USP7: variants seen among roughly 807,000 people sequenced by gnomAD.
The protein encoded by USP7 is ubiquitin C-terminal hydrolase 7.
Under a neutral mutation model 162.9 loss-of-function variants are expected in USP7, and 9 were observed. The observed-to-expected ratio is 0.06, with a 90% CI of 0.03 to 0.10. USP7 has a LOEUF of 0.10. Ranked by LOEUF, USP7 falls within the 10% of genes least tolerant of loss-of-function variation. USP7 has a pLI of 1.00. For missense variants in USP7, 715 were observed against 1,373.7 expected, an observed-to-expected ratio of 0.52 and a Z score of 7.58; for synonymous variants, 562 against 475.9, an observed-to-expected ratio of 1.18 and a Z score of -2.35.
At chr16:8,926,945 C>G (rs758448369) in intron 2 of USP7, among the ~76,000 whole-genome samples, 5 of 152,206 alleles carry the variant, frequency 3.3e-5, no homozygotes, top group East Asian at 3.9e-4. Flanking sequence ...GCACGAAGTT[C>G]CCACTGTGCA....
Position 8,903,304 on chromosome 16 carries a change from C to T in USP7, c.1803G>A (p.Ser601=), listed in dbSNP as rs146507622. The stretch of plus-strand genomic sequence containing the variant: ...AGAGGCTCTGAACAAACTCAGCAAG[C>T]GAGGAGTTCTTCAATACTTTGAACA... ...YTVFKVLKNS[S]LAEFVQSLSQ... is the part of the protein sequence containing the mutation. The change falls in exon 16 of 31, where the codon TCG becomes TCA. Residue 601 remains serine (S), a synonymous_variant. Coordinates refer to ENST00000344836, the MANE Select transcript of USP7 (RefSeq NM_003470.3). The T allele has an allele frequency of 5.3e-5, 86 of 1,613,806 alleles. 1 individual carries two copies. Among genetic ancestry groups the T allele is most frequent in the South Asian group, 5.3e-4 (48 of 91,042 alleles).
chr16:8,938,372 T>C (rs117697595), intron 1 of USP7, among the ~76,000 whole-genome samples: 6,913 of 149,840 alleles, frequency 0.046, 217 homozygotes, highest in Middle Eastern at 0.14. Context: ...AAAGAAATAA[T>C]ACAGTCAAGT....
chr16:8,910,132 G>T (rs189879561), intron 11 of USP7, among the ~76,000 whole-genome samples: 28 of 152,248 alleles, frequency 1.8e-4, no homozygotes, highest in Admixed American at 1.4e-3. Context: ...AAGGTTATAA[G>T]ATTACAAAAC....
intron 27 of USP7, 28 bp from the exon 28 acceptor site, chr16:8,895,178 C>T (rs1261808415): frequency 6.2e-7 from 1 of 1,614,104 alleles, no homozygotes; most frequent in Admixed American, 1.7e-5. Flanking sequence ...AGACACAGTT[C>T]TGTAAGTGCA....
At position 8,930,314 on chromosome 16, in the gene USP7, C is replaced by T. The variant is rs750227103; in HGVS notation, c.163G>A (p.Ala55Thr). 1.8e-5 allele frequency: 29 copies of T among 1,612,910 alleles called. No individual in the cohort carries two copies. Among genetic ancestry groups the T allele is most frequent in the East Asian group, 4.5e-5 (2 of 44,848 alleles). The change falls in exon 2 of 31, where the codon GCG (alanine) becomes ACG (threonine). Residue 55 changes from alanine to threonine, a missense_variant. Physicochemically the swap from Ala to Thr is moderately conservative, Grantham distance 58. Coordinates refer to ENST00000344836, the MANE Select transcript of USP7 (RefSeq NM_003470.3). Reference protein sequence around the residue: ...NVALSDGHNTAEEDMEDDTSW... With the variant: ...NVALSDGHNTTEEDMEDDTSW... ...TTACCATCCTCCATGTCCTCCTCCG[C>T]GGTGTTGTGTCCATCACTCAGGGCC...
rs1208137580 is a variant in USP7 at position 8,912,770 on chromosome 16, A to C, written c.1079-1943T>G. Among the ~76,000 whole-genome samples, 4 of 152,128 alleles carry C rather than the reference A, an allele frequency of 2.6e-5. No homozygotes were observed. The East Asian group carries it at 7.7e-4, about 29-fold the overall frequency. ...AAGACCTTGTCTCCAAATAATTATA[A>C]TTAATTGATAAATACATAGAAAAAA... On this transcript the variant is annotated intron_variant, in intron 10 of 30. Coordinates refer to ENST00000344836, the MANE Select transcript of USP7 (RefSeq NM_003470.3).
chr16:8,953,045 C>A (rs1407168104), intron 1 of USP7, among the ~76,000 whole-genome samples: 1 of 152,066 alleles, frequency 6.6e-6, no homozygotes, highest in Non-Finnish European at 1.5e-5. Context: ...CCATGTTGGT[C>A]AGGCTGGTCT....
chr16:8,910,690 T>A (rs368076615), intron 11 of USP7, 55 bp downstream of exon 11: 2 of 1,506,046 alleles, frequency 1.3e-6, no homozygotes, highest in African/African-American at 1.4e-5. Flanking sequence ...ATTAAAAGAA[T>A]TGAAAATAAA....
intron 1 of USP7, chr16:8,935,750 T>C (rs2141241222): frequency 6.6e-6 from 1 of 152,274 alleles, no homozygotes; most frequent in East Asian, 1.9e-4. Flanking sequence ...AAAATATGTT[T>C]TTGAAACACC....
At chr16:8,899,931 C>G (rs1284868764) in intron 21 of USP7, 174 bp from the exon 22 acceptor site, 1 of 749,940 alleles carries the variant, frequency 1.3e-6, no homozygotes, top group Non-Finnish European at 2.2e-6. Context: ...GTAAGCGAGG[C>G]AAGTATGCAT....
intron 14 of USP7, 151 bp from the exon 15 acceptor site, chr16:8,904,716 G>C (rs2061831695): frequency 8.8e-7 from 1 of 1,136,376 alleles, no homozygotes; most frequent in Admixed American, 3.0e-5. Flanking sequence ...GCTGAGGCGG[G>C]CCGATCACGA....
chr16:8,894,916 G>C (rs780499226), intron 28 of USP7, 61 bp from the exon 29 acceptor site: 2 of 1,613,802 alleles, frequency 1.2e-6, no homozygotes, highest in African/African-American at 1.3e-5. Flanking sequence ...GCCACGTCAC[G>C]TGGCAGCCGC....
intron 1 of USP7, among the ~76,000 whole-genome samples, chr16:8,950,465 C>T (rs1899499729): frequency 6.6e-6 from 1 of 152,186 alleles, no homozygotes; most frequent in Admixed American, 6.5e-5. Flanking sequence ...AGAGTAAATG[C>T]AGATGTGTGG....
chr16:8,930,528 T>C, intron 1 of USP7, 131 bp from the exon 2 acceptor site: 3 of 619,212 alleles, frequency 4.8e-6, no homozygotes, highest in South Asian at 5.8e-5. Context: ...TAAAGATTCA[T>C]TCTAATCCAA....
At position 8,895,076 on chromosome 16, in the gene USP7, C is replaced by T. The variant is rs2061660631; in HGVS notation, c.2994G>A (p.Glu998=). ...MLVTVAHFHK[E]VFGTFGIPFL... The stretch of plus-strand genomic sequence containing the variant: ...ACGGGATTCCGAACGTTCCGAAGAC[C>T]TCTTTGTGGAAATGCGCCACTGTGA... The change falls in exon 28 of 31, where the codon GAG becomes GAA. Residue 998 remains glutamate (E), a synonymous_variant. Transcript: ENST00000344836. The T allele has an allele frequency of 6.2e-7, 1 of 1,614,198 alleles. No individual in the cohort carries two copies. Among genetic ancestry groups the T allele is most frequent in the Non-Finnish European group, 8.5e-7 (1 of 1,180,028 alleles).
At chr16:8,943,946 C>T (rs1899165210) in intron 1 of USP7, among the ~76,000 whole-genome samples, 1 of 152,016 alleles carries the variant, frequency 6.6e-6, no homozygotes, top group Non-Finnish European at 1.5e-5. Context: ...ATTGCTTATT[C>T]TACAATAATT....
intron 15 of USP7, among the ~76,000 whole-genome samples, chr16:8,903,858 ACT>A (rs1450655742): frequency 1.4e-5 from 2 of 146,516 alleles, no homozygotes; most frequent in African/African-American, 5.1e-5. Flanking sequence ...CAAGAGTGAA[ACT>A]CTGTCTCAAA....
chr16:8,893,612 T>G lies in USP7; in HGVS notation c.*386A>C, dbSNP rs915558847. ...GTCAGACGAGCCTAAACACAAGACT[T>G]GCTAGCTGCAGGGCTGGTGCACGGG... On this transcript the variant is annotated 3_prime_UTR_variant, in exon 31 of 31. Transcript: ENST00000344836. 2.4e-5 allele frequency: 5 copies of G among 205,810 alleles called. No homozygotes were observed. Among genetic ancestry groups the G allele is most frequent in the African/African-American group, 1.1e-4 (5 of 43,968 alleles). The allele number at this position is 205,810 out of a possible 1,614,324, so 12.7% of individuals were successfully genotyped here.
chr16:8,959,645 T>G (rs1899932650), intron 1 of USP7, among the ~76,000 whole-genome samples: 1 of 152,216 alleles, frequency 6.6e-6, no homozygotes, highest in South Asian at 2.1e-4. Context: ...ACTCTCGAAT[T>G]ATTTGACTTT....
Sources: gnomAD v4.1 joint callset for allele counts (sites outside exome capture counted in the v4.1 genomes callset) on GRCh38, gnomAD v4.1.1 for gene constraint, MANE v1.5 for transcripts, NCBI Gene and HGNC (gene_info 2026-07-23, HGNC 2026-07-21) for gene names.